Variants in ARHGAP31 observed in about 807,000 individuals in gnomAD.
ARHGAP31 encodes the protein rho GTPase-activating protein 31.
ARHGAP31 carries 34 observed loss-of-function variants against 113.9 expected under a neutral mutation model. The ratio of observed to expected loss-of-function variants is 0.30; its 90% CI spans 0.23 to 0.40. The LOEUF (loss-of-function observed/expected upper bound fraction) is 0.40. Ranked by LOEUF, ARHGAP31 falls within the 10% of genes least tolerant of loss-of-function variation. The pLI, the probability that ARHGAP31 is intolerant of heterozygous loss-of-function variation, is 1.00. For missense variants in ARHGAP31, 1,548 were observed against 1,767.1 expected (o/e 0.88, Z 2.22); for synonymous variants, 650 against 684.8 (o/e 0.95, Z 0.79).
In ARHGAP31 at chr3:119,416,313, G is replaced by A. The variant is rs1274840292; in HGVS notation, c.*49G>A. 7 of 1,606,414 alleles carry A rather than the reference G, an allele frequency of 4.4e-6. No homozygotes were observed. The African/African-American group carries it at 8.0e-5, about 18-fold the overall frequency. ...GAAAAAAACCGTGATTCATCTGGAA[G>A]TTATTACAGGGCCAGCTTGCCATAT... On this transcript the variant is annotated 3_prime_UTR_variant, in exon 12 of 12. Coordinates refer to ENST00000264245, the MANE Select transcript of ARHGAP31 (RefSeq NM_020754.4).
At chr3:119,299,629 T>C (rs2079562766) in intron 1 of ARHGAP31, among the ~76,000 whole-genome samples, 1 of 152,170 alleles carries the variant, frequency 6.6e-6, no homozygotes, top group Non-Finnish European at 1.5e-5. Flanking sequence ...TTAACAAATA[T>C]TTATTAAGGC....
chr3:119,300,489 A>G (rs531043117), intron 1 of ARHGAP31, among the ~76,000 whole-genome samples: 2 of 152,328 alleles, frequency 1.3e-5, no homozygotes, highest in African/African-American at 4.8e-5. Context: ...GTATACACTC[A>G]GGAACTAAAG....
intron 1 of ARHGAP31, among the ~76,000 whole-genome samples, chr3:119,337,293 A>C (rs1427685075): frequency 6.6e-6 from 1 of 151,852 alleles, no homozygotes. Context: ...GAAGCTGCAG[A>C]CCTTTGCGTT....
chr3:119,319,255 T>G (rs551883682), intron 1 of ARHGAP31, among the ~76,000 whole-genome samples: 364 of 151,884 alleles, frequency 2.4e-3, no homozygotes, highest in Non-Finnish European at 4.0e-3. Context: ...CTAGAGTTTT[T>G]TTTGTTTCTT....
At position 119,391,120 on chromosome 3, in the gene ARHGAP31, C is replaced by T. The variant is rs922011651; in HGVS notation, c.881+137C>T. ...TGGGTTGGGGTTTAAGGAAACATTC[C>T]AGAAGAGAAGGGAGCTGTCTCTACA... On this transcript the variant is annotated intron_variant, in intron 7 of 11. Transcript: ENST00000264245. 4.2e-6 allele frequency: 4 copies of T among 960,006 alleles called. No homozygotes were observed. The African/African-American group carries it at 6.5e-5, about 16-fold the overall frequency. The allele number at this position is 960,006 out of a possible 1,614,324, so 59.5% of individuals were successfully genotyped here. A position where few individuals can be genotyped will look rare whatever the true frequency, so the allele number is the denominator to read the frequency against.
intron 3 of ARHGAP31, among the ~76,000 whole-genome samples, chr3:119,374,449 TC>T (rs78246217): frequency 0.24 from 37,106 of 151,972 alleles, 5,496 homozygotes; most frequent in African/African-American, 0.42. Context: ...CAATTCAACC[TC>T]TTTTCTATAT....
intron 1 of ARHGAP31, among the ~76,000 whole-genome samples, chr3:119,301,952 T>C (rs961595092): frequency 6.6e-6 from 1 of 152,166 alleles, no homozygotes; most frequent in African/African-American, 2.4e-5. Context: ...TCCACTTCCT[T>C]CTAGTGGTTC....
At chr3:119,412,912 G>T (rs1037061021) in intron 11 of ARHGAP31, among the ~76,000 whole-genome samples, 1 of 152,030 alleles carries the variant, frequency 6.6e-6, no homozygotes, top group African/African-American at 2.4e-5. Context: ...CAGCTACTTG[G>T]GGGGCTGAGG....
intron 1 of ARHGAP31, among the ~76,000 whole-genome samples, chr3:119,321,488 T>C (rs937676105): frequency 1.3e-5 from 2 of 150,278 alleles, no homozygotes; most frequent in Non-Finnish European, 3.0e-5. Flanking sequence ...TTTGGTGGAT[T>C]TCCTTCAAGT....
At chr3:119,404,750 A>C (rs994730993) in intron 10 of ARHGAP31, among the ~76,000 whole-genome samples, 2 of 152,262 alleles carry the variant, frequency 1.3e-5, no homozygotes, top group African/African-American at 4.8e-5. Context: ...TAAGTAGTGC[A>C]TTTTAACTAA....
At chr3:119,404,104 GGTCATGGGCAGCAAGAT>G (rs1351482731) in intron 10 of ARHGAP31, among the ~76,000 whole-genome samples, 10 of 152,146 alleles carry the variant, frequency 6.6e-5, no homozygotes, top group Admixed American at 5.2e-4. Flanking sequence ...GGCTGGTGTG[GGTCATGGGCAGCAAGAT>G]GTCATGGGCA....
At chr3:119,383,056 A>C (rs898795745) in intron 5 of ARHGAP31, 28 bp from the exon 6 acceptor site, 1 of 1,613,680 alleles carries the variant, frequency 6.2e-7, no homozygotes, top group African/African-American at 1.3e-5. Context: ...CAAACTCACT[A>C]ACTGAATATG....
At chr3:119,368,627 C>T (rs758811702) in intron 3 of ARHGAP31, 111 bp downstream of exon 3, 2 of 1,373,804 alleles carry the variant, frequency 1.5e-6, no homozygotes, top group Non-Finnish European at 2.0e-6. Context: ...TTGACATTAT[C>T]TTAGCGTGGT....
At chr3:119,339,497 T>C (rs1365441096) in intron 1 of ARHGAP31, among the ~76,000 whole-genome samples, 5 of 152,126 alleles carry the variant, frequency 3.3e-5, no homozygotes, top group African/African-American at 9.7e-5. Flanking sequence ...CTACCCAGTA[T>C]TGAGGCCTAG....
intron 1 of ARHGAP31, among the ~76,000 whole-genome samples, chr3:119,303,682 G>A (rs2079604751): frequency 6.6e-6 from 1 of 152,172 alleles, no homozygotes; most frequent in Admixed American, 6.5e-5. Flanking sequence ...TGACATATAA[G>A]CTAGGATTCC....
intron 1 of ARHGAP31, among the ~76,000 whole-genome samples, chr3:119,339,887 A>G (rs2079992565): frequency 6.6e-6 from 1 of 152,228 alleles, no homozygotes; most frequent in South Asian, 2.1e-4. Context: ...TAGACTTGAC[A>G]CCAAAAGCAT....
intron 1 of ARHGAP31, among the ~76,000 whole-genome samples, chr3:119,357,509 T>C (rs1182077562): frequency 6.6e-6 from 1 of 152,176 alleles, no homozygotes; most frequent in African/African-American, 2.4e-5. Context: ...GGCCTCCCTC[T>C]AAATCAAATC....
In ARHGAP31 at chr3:119,399,187, TTTTGTCTTTAG is replaced by T; in HGVS notation, c.1007-10_1007del. 6.2e-7 allele frequency: 1 copy of T among 1,612,404 alleles called. No homozygotes were observed. The highest frequency in any genetic ancestry group is 8.5e-7 in the Non-Finnish European group (1 of 1,178,424). Reference sequence around the variant, plus strand: ...ATGCATTCATCAAGGATATTTTTTCTTTTGTCTTTAGTGGAAAAGGCTACTATCCGACCAGC... The same window carrying T: ...ATGCATTCATCAAGGATATTTTTTCTTGGAAAAGGCTACTATCCGACCAGC... On this transcript the variant is annotated splice_acceptor_variant and splice_polypyrimidine_tract_variant and intron_variant, in intron 8 of 11. Transcript: ENST00000264245. LOFTEE classifies it high-confidence loss of function.
intron 1 of ARHGAP31, among the ~76,000 whole-genome samples, chr3:119,357,980 TACAAAAAGC>T (rs1263300981): frequency 6.6e-6 from 1 of 152,174 alleles, no homozygotes; most frequent in Non-Finnish European, 1.5e-5. Context: ...TTTCTCCTGA[TACAAAAAGC>T]ACAAGCAACA....
Sources: gnomAD v4.1 joint callset for allele counts (sites outside exome capture counted in the v4.1 genomes callset) on GRCh38, gnomAD v4.1.1 for gene constraint, MANE v1.5 for transcripts, NCBI Gene and HGNC (gene_info 2026-07-23, HGNC 2026-07-21) for gene names.